Variants in GABRB1 observed in about 807,000 individuals in gnomAD.
GABRB1 encodes the protein gamma-aminobutyric acid type A receptor subunit beta1.
GABRB1 carries 17 observed loss-of-function variants against 51.6 expected under a neutral mutation model. The observed-to-expected ratio is 0.33, with a 90% CI of 0.23 to 0.49. The LOEUF (loss-of-function observed/expected upper bound fraction) is 0.49. Ranked by LOEUF, GABRB1 falls within the 20% of genes least tolerant of loss-of-function variation. The pLI is 0.99. For synonymous variants in GABRB1, 247 were observed against 218.9 expected (o/e 1.13, Z -1.14); for missense variants, 410 against 600.6 (o/e 0.68, Z 3.32).
At chr4:47,171,689 C>T (rs937749360) in intron 4 of GABRB1, among the ~76,000 whole-genome samples, 3 of 152,060 alleles carry the variant, frequency 2.0e-5, no homozygotes, top group Non-Finnish European at 4.4e-5. Flanking sequence ...CTAAGCAACG[C>T]ATTTTATTAA....
chr4:47,136,745 T>TA (rs1716677208), intron 3 of GABRB1, among the ~76,000 whole-genome samples: 1 of 152,098 alleles, frequency 6.6e-6, no homozygotes, highest in Admixed American at 6.6e-5. Context: ...GGTTTCCACA[T>TA]AGCAGTCAAT....
intron 1 of GABRB1, among the ~76,000 whole-genome samples, chr4:47,009,260 T>G (rs1271884849): frequency 6.6e-6 from 1 of 150,794 alleles, no homozygotes; most frequent in Non-Finnish European, 1.5e-5. Flanking sequence ...TTATATAAAT[T>G]ATGTATCTAT....
chr4:47,161,048 C>G (rs778091742), intron 3 of GABRB1, among the ~76,000 whole-genome samples: 10 of 151,952 alleles, frequency 6.6e-5, no homozygotes, highest in Non-Finnish European at 8.8e-5. Context: ...CTGCCTTGGC[C>G]TCCCAAATTG....
intron 4 of GABRB1, among the ~76,000 whole-genome samples, chr4:47,197,928 G>C (rs1165903203): frequency 6.6e-6 from 1 of 152,124 alleles, no homozygotes; most frequent in Non-Finnish European, 1.5e-5. Flanking sequence ...ATTCTTCCCA[G>C]TATAAAATGC....
At chr4:47,163,814 A>G (rs1007463353) in intron 4 of GABRB1, among the ~76,000 whole-genome samples, 2 of 151,920 alleles carry the variant, frequency 1.3e-5, no homozygotes, top group African/African-American at 4.8e-5. Context: ...AGATCCACCA[A>G]CCTTAAAAAA....
Position 47,351,859 on chromosome 4 carries a change from G to A in GABRB1, c.544+31650G>A, listed in dbSNP as rs538986851. Among the ~76,000 whole-genome samples, 1,430 of 151,766 alleles carry A rather than the reference G, an allele frequency of 9.4e-3. 23 individuals carry two copies. The highest frequency in any genetic ancestry group is 0.033 in the African/African-American group (1,362 of 41,316). ...AGTCTTTGCTATTGTGAATAGTGCC[G>A]CAATAAACATACGTGTGCATGTGTC... is the stretch of plus-strand genomic sequence containing the variant. On this transcript the variant is annotated intron_variant, in intron 5 of 8. Transcript: ENST00000295454.
intron 4 of GABRB1, among the ~76,000 whole-genome samples, chr4:47,259,699 G>C (rs1459050872): frequency 6.6e-6 from 1 of 152,110 alleles, no homozygotes; most frequent in Non-Finnish European, 1.5e-5. Context: ...GATTTTATAG[G>C]TTCCAGAATA....
intron 5 of GABRB1, among the ~76,000 whole-genome samples, chr4:47,388,669 A>G (rs757440551): frequency 6.6e-6 from 1 of 152,204 alleles, no homozygotes; most frequent in Non-Finnish European, 1.5e-5. Flanking sequence ...TAACCCAAAA[A>G]GTGGTAAAAG....
intron 4 of GABRB1, among the ~76,000 whole-genome samples, chr4:47,215,199 C>T (rs182290335): frequency 1.3e-4 from 20 of 152,078 alleles, no homozygotes; most frequent in African/African-American, 4.6e-4. Context: ...CTATTTATTA[C>T]AAAATAAAAA....
chr4:47,149,037 C>T lies in GABRB1; in HGVS notation c.241-12212C>T, dbSNP rs1034565863. Among the ~76,000 whole-genome samples, 5 of 151,908 alleles carry T rather than the reference C, an allele frequency of 3.3e-5. No homozygotes were observed. In the East Asian group the frequency reaches 9.7e-4, roughly 29 times the overall value. ...GTCAGACAGATCAGGGTTCAAATCA[C>T]AGCTGTGATATTTTTGAGAAGAGGC... On this transcript the variant is annotated intron_variant, in intron 3 of 8. Coordinates refer to ENST00000295454, the MANE Select transcript of GABRB1 (RefSeq NM_000812.4).
chr4:47,072,270 G>A (rs1727371641), intron 3 of GABRB1, among the ~76,000 whole-genome samples: 1 of 152,184 alleles, frequency 6.6e-6, no homozygotes, highest in African/African-American at 2.4e-5. Flanking sequence ...AGCAACTGAT[G>A]ACATTTACCA....
chr4:47,173,927 A>T (rs1718547749), intron 4 of GABRB1, among the ~76,000 whole-genome samples: 1 of 152,212 alleles, frequency 6.6e-6, no homozygotes, highest in Admixed American at 6.5e-5. Flanking sequence ...AGTCTCAAAC[A>T]TAGTCTCTGA....
chr4:47,199,623 G>A (rs1275518967), intron 4 of GABRB1, among the ~76,000 whole-genome samples: 1 of 152,106 alleles, frequency 6.6e-6, no homozygotes, highest in African/African-American at 2.4e-5. Flanking sequence ...GGGAGCCTTG[G>A]GCATAGAGGA....
intron 3 of GABRB1, among the ~76,000 whole-genome samples, chr4:47,105,164 A>G (rs988251127): frequency 3.9e-5 from 6 of 152,054 alleles, no homozygotes; most frequent in Non-Finnish European, 7.4e-5. Context: ...GCCTCAGTGC[A>G]TCATTGTCTT....
chr4:47,140,093 A>C (rs1297636807), intron 3 of GABRB1, among the ~76,000 whole-genome samples: 1 of 135,326 alleles, frequency 7.4e-6, no homozygotes, highest in Non-Finnish European at 1.6e-5. Context: ...AAATTAAATT[A>C]ACACACACAC....
chr4:47,133,223 A>G (rs1437044920), intron 3 of GABRB1, among the ~76,000 whole-genome samples: 1 of 152,182 alleles, frequency 6.6e-6, no homozygotes, highest in Admixed American at 6.5e-5. Flanking sequence ...AAATTTGTAG[A>G]TTGACTCAGT....
At chr4:47,119,664 A>G (rs1246047849) in intron 3 of GABRB1, among the ~76,000 whole-genome samples, 1 of 152,002 alleles carries the variant, frequency 6.6e-6, no homozygotes, top group Non-Finnish European at 1.5e-5. Flanking sequence ...ATGCACCACC[A>G]CACCCAGCTA....
chr4:46,998,485 C>A (rs1324129088), intron 1 of GABRB1, among the ~76,000 whole-genome samples: 1 of 152,048 alleles, frequency 6.6e-6, no homozygotes, highest in African/African-American at 2.4e-5. Context: ...GTAATCCCAG[C>A]ACTTTGGGAG....
upstream of GABRB1, among the ~76,000 whole-genome samples, chr4:47,027,548 A>AT (rs201572913): frequency 1.3e-5 from 2 of 151,068 alleles, no homozygotes; most frequent in African/African-American, 2.4e-5. Context: ...AAACACAAGA[A>AT]TTTTTTTTTA....
Sources: allele counts gnomAD v4.1 joint callset (sites outside exome capture counted in the v4.1 genomes callset), GRCh38; gene constraint gnomAD v4.1.1; transcripts MANE v1.5; gene names NCBI Gene and HGNC (gene_info 2026-07-23, HGNC 2026-07-21).